Variants in FHIP1A observed in about 807,000 individuals in gnomAD.
FHIP1A encodes FHF complex subunit HOOK-interacting protein 1A.
A neutral mutation model predicts 88.6 loss-of-function variants in FHIP1A; 61 were observed. That is an observed-to-expected ratio of 0.69 (90% confidence interval 0.56 to 0.85). The LOEUF (loss-of-function observed/expected upper bound fraction) is 0.85. Among genes scored for constraint, FHIP1A ranks in the 40% least tolerant of loss-of-function variants. FHIP1A has a pLI of 0.00. For missense variants in FHIP1A, 1,154 were observed against 1,273.5 expected (o/e 0.91, Z 1.43); for synonymous variants, 478 against 496.0 (o/e 0.96, Z 0.48).
intron 2 of FHIP1A, among the ~76,000 whole-genome samples, chr4:151,465,488 T>C (rs1010024651): frequency 1.3e-5 from 2 of 152,140 alleles, no homozygotes; most frequent in East Asian, 1.9e-4. Flanking sequence ...TTCCAAACAA[T>C]TGAAAAAGGA....
rs1019149383 is a variant in FHIP1A, at chr4:151,649,930, G to A, written c.1889G>A (p.Gly630Glu). 3 of 1,551,388 alleles carry A rather than the reference G, an allele frequency of 1.9e-6. No individual in the cohort carries two copies. Among genetic ancestry groups the A allele is most frequent in the Non-Finnish European group, 2.6e-6 (3 of 1,146,934 alleles). Residue 630 changes from glycine to glutamate, a missense_variant, in exon 11 of 14, where the codon GGG (glycine) becomes GAG (glutamate). Coordinates refer to ENST00000435205, the MANE Select transcript of FHIP1A (RefSeq NM_001109977.3). ...MKKNALLLFK[G>E]SYIEESDFQD... ...AAGAATGCCCTCCTGCTCTTCAAAG[G>A]GTCCTACATAGAAGAGTCGGACTTT... is the stretch of plus-strand genomic sequence containing the variant.
chr4:151,590,192 T>C (rs1388010550), intron 7 of FHIP1A, among the ~76,000 whole-genome samples: 1 of 152,248 alleles, frequency 6.6e-6, no homozygotes, highest in Non-Finnish European at 1.5e-5. Flanking sequence ...AAGAGTGCTA[T>C]AGAAATTCTT....
intron 3 of FHIP1A, among the ~76,000 whole-genome samples, chr4:151,533,287 T>C (rs1320238618): frequency 1.3e-5 from 2 of 152,060 alleles, no homozygotes; most frequent in Non-Finnish European, 2.9e-5. Context: ...TCCCAGCTAC[T>C]GGGCTGGTGG....
chr4:151,533,182 G>A (rs6814554), intron 3 of FHIP1A: 73,455 of 152,038 alleles, frequency 0.48, 18,277 homozygotes, highest in African/African-American at 0.6. Flanking sequence ...TTGGTGGTAT[G>A]TAGGATTTAT....
chr4:151,430,485 A>C (rs947679463), intron 1 of FHIP1A, among the ~76,000 whole-genome samples: 10 of 152,252 alleles, frequency 6.6e-5, no homozygotes, highest in African/African-American at 2.4e-4. Context: ...CTTAGCTGCC[A>C]GCACTTATCC....
chr4:151,458,494 CAGAAG>C (rs1729041835), intron 2 of FHIP1A, among the ~76,000 whole-genome samples: 1 of 151,770 alleles, frequency 6.6e-6, no homozygotes, highest in Non-Finnish European at 1.5e-5. Flanking sequence ...CTGTGAGGTG[CAGAAG>C]ATGTGTGTGG....
intron 4 of FHIP1A, among the ~76,000 whole-genome samples, chr4:151,567,450 G>A (rs377191888): frequency 8.6e-5 from 13 of 151,832 alleles, no homozygotes; most frequent in Admixed American, 2.6e-4. Flanking sequence ...AACCTTCTCC[G>A]ATTTTTTGTG....
chr4:151,540,989 G>T (rs934264852), intron 3 of FHIP1A, among the ~76,000 whole-genome samples: 1 of 152,156 alleles, frequency 6.6e-6, no homozygotes, highest in African/African-American at 2.4e-5. Flanking sequence ...TAATATCCTC[G>T]TGCTTTTTGA....
chr4:151,571,069 C>T (rs1733585529), intron 4 of FHIP1A, among the ~76,000 whole-genome samples: 1 of 152,072 alleles, frequency 6.6e-6, no homozygotes, highest in Admixed American at 6.5e-5. Context: ...TTCAACTAGA[C>T]TGCCATGTGA....
chr4:151,518,016 G>A (rs1320546636), intron 3 of FHIP1A, among the ~76,000 whole-genome samples: 1 of 152,136 alleles, frequency 6.6e-6, no homozygotes, highest in African/African-American at 2.4e-5. Flanking sequence ...AATAAATTTA[G>A]TGTAGCCTAG....
intron 3 of FHIP1A, among the ~76,000 whole-genome samples, chr4:151,496,528 G>A (rs1277180011): frequency 6.6e-6 from 1 of 151,804 alleles, no homozygotes; most frequent in East Asian, 1.9e-4. Context: ...AGACCCTATA[G>A]TCAGGAATAG....
chr4:151,625,032 C>G (rs1282110615), intron 7 of FHIP1A, among the ~76,000 whole-genome samples: 1 of 152,170 alleles, frequency 6.6e-6, no homozygotes, highest in Non-Finnish European at 1.5e-5. Flanking sequence ...AGCTGCTGCC[C>G]TTGGCTGCAG....
chr4:151,604,834 G>A (rs1403596514), intron 7 of FHIP1A, among the ~76,000 whole-genome samples: 3 of 151,078 alleles, frequency 2.0e-5, no homozygotes, highest in Non-Finnish European at 4.4e-5. Context: ...GGGTGACAGA[G>A]TGAGACTCCA....
At chr4:151,622,949 T>G (rs1365093404) in intron 7 of FHIP1A, among the ~76,000 whole-genome samples, 2 of 152,210 alleles carry the variant, frequency 1.3e-5, no homozygotes, top group Non-Finnish European at 2.9e-5. Flanking sequence ...TATATCATAA[T>G]GAAGCTGTAG....
intron 13 of FHIP1A, among the ~76,000 whole-genome samples, chr4:151,657,202 C>T (rs976834025): frequency 4.6e-5 from 7 of 152,072 alleles, no homozygotes; most frequent in Non-Finnish European, 7.3e-5. Context: ...ATAAATCACA[C>T]GGCACACATG....
At chr4:151,524,940 A>G (rs746281332) in intron 3 of FHIP1A, among the ~76,000 whole-genome samples, 3 of 152,234 alleles carry the variant, frequency 2.0e-5, no homozygotes, top group Admixed American at 6.5e-5. Flanking sequence ...ATAGGAATCA[A>G]ATTCTCAAAT....
chr4:151,600,989 T>C (rs1465757533), intron 7 of FHIP1A, among the ~76,000 whole-genome samples: 5 of 152,186 alleles, frequency 3.3e-5, no homozygotes, highest in African/African-American at 1.2e-4. Context: ...CTCTTTATAG[T>C]AGCAGTATTA....
chr4:151,578,158 T>C, intron 5 of FHIP1A, 82 bp downstream of exon 5: 3 of 1,263,644 alleles, frequency 2.4e-6, no homozygotes, highest in East Asian at 2.5e-5. Context: ...TCTTACTCCC[T>C]TTTTTTCTCC....
At chr4:151,636,392 G>A (rs1020990248) in intron 8 of FHIP1A, among the ~76,000 whole-genome samples, 15 of 151,928 alleles carry the variant, frequency 9.9e-5, no homozygotes, top group African/African-American at 3.1e-4. Context: ...TTCTATTCAA[G>A]ATGGTACTTA....
Sources: allele counts gnomAD v4.1 joint callset (sites outside exome capture counted in the v4.1 genomes callset), GRCh38; gene constraint gnomAD v4.1.1; transcripts MANE v1.5; gene names NCBI Gene and HGNC (gene_info 2026-07-23, HGNC 2026-07-21).